Variants in COL23A1 observed in about 807,000 individuals in gnomAD.
COL23A1 encodes the protein collagen alpha-1(XXIII) chain.
COL23A1 carries 97 observed loss-of-function variants against 99.3 expected under a neutral mutation model. The ratio of observed to expected loss-of-function variants is 0.98; its 90% confidence interval spans 0.83 to 1.16. COL23A1 has a LOEUF of 1.16. COL23A1 is among the 50% of genes most tolerant of loss of function. The probability of loss-of-function intolerance (pLI) is 0.00; values close to 1 mark genes in which losing one functional copy is unlikely to be tolerated. For synonymous variants in COL23A1, 320 were observed against 308.2 expected, an observed-to-expected ratio of 1.04 and a Z score of -0.40; for missense variants, 762 against 757.4, an observed-to-expected ratio of 1.01 and a Z score of -0.07.
rs538791455 is a variant in COL23A1, at chr5:178,531,254, T to C, written c.361+29428A>G. On this transcript the variant is annotated intron_variant, in intron 2 of 28. Coordinates refer to ENST00000390654, the MANE Select transcript of COL23A1 (RefSeq NM_173465.4). ...AACAAGATGGAAGGGACTGTAGAGA[T>C]AATACAGTTCAACTCTCCCATTTGA... is the stretch of plus-strand genomic sequence containing the variant. Among the ~76,000 whole-genome samples the C allele has an allele frequency of 1.8e-4, 28 of 152,258 alleles. No homozygotes were observed. The South Asian group carries it at 2.3e-3, about 12-fold the overall frequency.
At position 178,280,086 on chromosome 5, in the gene COL23A1, A is replaced by G. The variant is rs1380938165; in HGVS notation, c.441+8238T>C. 6.6e-6 allele frequency among the ~76,000 whole-genome samples: 1 copy of G among 152,230 alleles called. No individual in the cohort carries two copies. The highest frequency in any genetic ancestry group is 2.4e-5 in the African/African-American group (1 of 41,476). Reference sequence around the variant, plus strand: ...TGGATCAACAACGGTGAAGGGAACGATTCTCTGAATGAACGTCCATCCTGC... The same window carrying G: ...TGGATCAACAACGGTGAAGGGAACGGTTCTCTGAATGAACGTCCATCCTGC... On this transcript the variant is annotated intron_variant, in intron 5 of 28. Transcript: ENST00000390654. This position sits in a 1 kb window ranked among gnomAD's most constrained non-coding sequence, Gnocchi z 4.9.
chr5:178,584,931 G>C (rs977165268), intron 1 of COL23A1, among the ~76,000 whole-genome samples: 3 of 152,172 alleles, frequency 2.0e-5, no homozygotes, highest in Admixed American at 6.5e-5. Flanking sequence ...ATATGGGAAA[G>C]CTGGCAAGCA....
At position 178,387,659 on chromosome 5, in the gene COL23A1, C is replaced by G. The variant is rs564651316; in HGVS notation, c.362-80740G>C. Among the ~76,000 whole-genome samples the G allele has an allele frequency of 6.6e-6, 1 of 152,140 alleles. No homozygotes were observed. Among genetic ancestry groups the G allele is most frequent in the Non-Finnish European group, 1.5e-5 (1 of 68,020 alleles). ...GACCATTTACCTTTTATCCCCAGTACGAATACAAAGATAAGGTCAAAGAAC... is the reference window on the plus strand; with the variant it reads ...GACCATTTACCTTTTATCCCCAGTAGGAATACAAAGATAAGGTCAAAGAAC... On this transcript the variant is annotated intron_variant, in intron 2 of 28. Coordinates refer to ENST00000390654, the MANE Select transcript of COL23A1 (RefSeq NM_173465.4). This position sits in a 1 kb window ranked among gnomAD's most constrained non-coding sequence, Gnocchi z 4.7.
intron 2 of COL23A1, among the ~76,000 whole-genome samples, chr5:178,502,707 T>C (rs117948663): frequency 1.3e-5 from 2 of 152,336 alleles, no homozygotes; most frequent in East Asian, 3.9e-4. Context: ...GGAATCATAT[T>C]GAAAAGCTGA....
At chr5:178,400,334 T>C (rs1322265972) in intron 2 of COL23A1, among the ~76,000 whole-genome samples, 2 of 119,212 alleles carry the variant, frequency 1.7e-5, no homozygotes, top group East Asian at 5.7e-4. Context: ...GCCACTGCAC[T>C]CCAGCCTGGG....
chr5:178,270,390 G>A (rs760102442), intron 5 of COL23A1, 27 bp from the exon 6 acceptor site: 9 of 1,613,392 alleles, frequency 5.6e-6, no homozygotes, highest in Non-Finnish European at 3.4e-6. Context: ...AGAGAACACA[G>A]GTTACACACG....
intron 2 of COL23A1, among the ~76,000 whole-genome samples, chr5:178,558,076 A>G (rs1762375564): frequency 6.7e-6 from 1 of 148,600 alleles, no homozygotes; most frequent in Non-Finnish European, 1.5e-5. Flanking sequence ...GAGTCTACCA[A>G]GCCTTCCTCT....
At chr5:178,240,524 G>A (rs528039706) in intron 27 of COL23A1, among the ~76,000 whole-genome samples, 21 of 152,304 alleles carry the variant, frequency 1.4e-4, no homozygotes, top group East Asian at 1.2e-3. Flanking sequence ...TCCGGCCTCC[G>A]CACGTGGGAT....
rs35460582 is a variant in COL23A1, at chr5:178,534,972, C to CTT, written c.361+25708_361+25709dup. On this transcript the variant is annotated intron_variant, in intron 2 of 28. Coordinates refer to ENST00000390654, the MANE Select transcript of COL23A1 (RefSeq NM_173465.4). ...CACAGATTCCTTCTTTTTCCTTTTT[C>CTT]TTTTTTTTTTTTTTTTGAGCAGAGT... Among the ~76,000 whole-genome samples the CTT allele has an allele frequency of 6.6e-4, 86 of 130,074 alleles. 1 individual carries two copies. Among genetic ancestry groups the CTT allele is most frequent in the East Asian group, 1.1e-3 (5 of 4,648 alleles). The allele number at this position is 130,074 out of a possible 152,430, so 85.3% of individuals were successfully genotyped here.
chr5:178,541,972 A>C (rs554554417), intron 2 of COL23A1, among the ~76,000 whole-genome samples: 2 of 152,286 alleles, frequency 1.3e-5, no homozygotes, highest in African/African-American at 4.8e-5. Flanking sequence ...GCCTGGACAC[A>C]GGTGTGAGCT....
At chr5:178,358,006 ATG>A (rs533021703) in intron 2 of COL23A1, among the ~76,000 whole-genome samples, 1,644 of 118,028 alleles carry the variant, frequency 0.014, 44 homozygotes, top group African/African-American at 0.051. Flanking sequence ...GTGTATATGT[ATG>A]TGTGTGTATG....
chr5:178,473,754 C>T (rs1057438081), intron 2 of COL23A1, among the ~76,000 whole-genome samples: 1 of 152,094 alleles, frequency 6.6e-6, no homozygotes, highest in Non-Finnish European at 1.5e-5. Context: ...CCCCTGCACT[C>T]CCAAAACCTC....
chr5:178,444,020 G>A (rs917200178), intron 2 of COL23A1, among the ~76,000 whole-genome samples: 1 of 151,986 alleles, frequency 6.6e-6, no homozygotes, highest in African/African-American at 2.4e-5. Flanking sequence ...CAGGCAACAT[G>A]GTGAAACCCT....
chr5:178,454,917 C>T (rs766932868), intron 2 of COL23A1, among the ~76,000 whole-genome samples: 1 of 152,246 alleles, frequency 6.6e-6, no homozygotes, highest in African/African-American at 2.4e-5. Context: ...TGGGCCTGCT[C>T]CCTCTGAGCC....
intron 25 of COL23A1, among the ~76,000 whole-genome samples, 196 bp from the exon 26 acceptor site, chr5:178,242,590 G>A (rs1243840333): frequency 2.0e-5 from 3 of 152,194 alleles, no homozygotes; most frequent in Non-Finnish European, 4.4e-5. Context: ...ATGCATTTAC[G>A]ATGCCAGCTG....
intron 2 of COL23A1, among the ~76,000 whole-genome samples, chr5:178,429,097 T>C (rs1302780570): frequency 6.6e-6 from 1 of 152,182 alleles, no homozygotes; most frequent in Non-Finnish European, 1.5e-5. Flanking sequence ...CTTAGGTATG[T>C]TGGGCCCCAT....
chr5:178,573,032 T>C (rs1763183502), intron 1 of COL23A1, among the ~76,000 whole-genome samples: 1 of 151,690 alleles, frequency 6.6e-6, no homozygotes, highest in Admixed American at 6.6e-5. Flanking sequence ...CAGTGGCACG[T>C]TGGTGGCAGG....
intron 2 of COL23A1, among the ~76,000 whole-genome samples, chr5:178,381,716 G>T (rs2127737636): frequency 6.6e-6 from 1 of 152,282 alleles, no homozygotes; most frequent in South Asian, 2.1e-4. Context: ...ACTCCCTGCA[G>T]CCTTGAACTC....
rs1758516564 is a variant in COL23A1 at position 178,308,975 on chromosome 5, A to G, written c.362-2056T>C. ...CCCACAAAGCTTCGGGGCTCTTGCC[A>G]GGCCTCAGGTTGTGCTCGGCCCAGC... On this transcript the variant is annotated intron_variant, in intron 2 of 28. Transcript: ENST00000390654. This position sits in a 1 kb window ranked among gnomAD's most constrained non-coding sequence, Gnocchi z 5.1. 6.6e-6 allele frequency among the ~76,000 whole-genome samples: 1 copy of G among 152,198 alleles called. No homozygotes were observed. The highest frequency in any genetic ancestry group is 1.5e-5 in the Non-Finnish European group (1 of 68,030).
Sources: allele counts gnomAD v4.1 joint callset (sites outside exome capture counted in the v4.1 genomes callset), GRCh38; gene constraint gnomAD v4.1.1; non-coding constraint Gnocchi (gnomAD v3.1); transcripts MANE v1.5; gene names NCBI Gene and HGNC (gene_info 2026-07-23, HGNC 2026-07-21).